The following PKD1L1 variants were observed in gnomAD, a reference collection of about 807,000 sequenced individuals.
PKD1L1 encodes the protein polycystin 1 like 1, transient receptor potential channel interacting.
PKD1L1 carries 236 observed loss-of-function variants against 323.4 expected under a neutral mutation model. That is an observed-to-expected ratio of 0.73 (90% CI 0.66 to 0.81). PKD1L1 has a LOEUF of 0.81. Ranked by LOEUF, PKD1L1 falls within the 40% of genes least tolerant of loss-of-function variation. The pLI is 0.00. For synonymous variants in PKD1L1, 1,344 were observed against 1,335.0 expected (o/e 1.01, Z -0.15); for missense variants, 3,320 against 3,508.0 (o/e 0.95, Z 1.35).
rs1193252581 is a variant in PKD1L1 at position 47,829,481 on chromosome 7, G to A, written c.6679C>T (p.Arg2227Cys). Residue 2227 changes from arginine (R) to cysteine (C), a missense_variant, in exon 44 of 57, where the codon CGC becomes TGC. Arg to Cys is a radical substitution (Grantham distance 180, BLOSUM62 -3). Transcript: ENST00000289672. The stretch of plus-strand genomic sequence containing the variant: ...CTGCAGCTTGAAGAGAAGGGGAGGC[G>A]AGTCCAGGAACGTTCTGCCAATTCA... ...DSELAERSWT[R>C]LPFSSSCSIP... The A allele has an allele frequency of 3.1e-6, 5 of 1,613,916 alleles. No homozygotes were observed. The highest frequency in any genetic ancestry group is 1.1e-5 in the South Asian group (1 of 91,070).
intron 13 of PKD1L1, among the ~76,000 whole-genome samples, chr7:47,899,448 C>A (rs1007772564): frequency 2.0e-5 from 3 of 152,136 alleles, no homozygotes; most frequent in African/African-American, 7.2e-5. Flanking sequence ...CCCATCCACA[C>A]CCCTTACTCC....
intron 23 of PKD1L1, among the ~76,000 whole-genome samples, chr7:47,875,667 T>C (rs548369310): frequency 1.3e-5 from 2 of 152,288 alleles, no homozygotes; most frequent in East Asian, 3.9e-4. Context: ...ATTCATTTTG[T>C]TTTGAGGTTA....
At chr7:47,836,864 G>A in intron 37 of PKD1L1, 57 bp downstream of exon 37, 1 of 1,543,298 alleles carries the variant, frequency 6.5e-7, no homozygotes, top group Non-Finnish European at 8.8e-7. Flanking sequence ...TAGGCAAAAA[G>A]GGGCCACAGT....
intron 31 of PKD1L1, among the ~76,000 whole-genome samples, chr7:47,847,551 A>C (rs1472473365): frequency 6.7e-6 from 1 of 149,468 alleles, no homozygotes; most frequent in Non-Finnish European, 1.5e-5. Flanking sequence ...TTAGCCTATC[A>C]TTTTTTTTTT....
At chr7:47,784,165 G>A (rs1267007204) in intron 56 of PKD1L1, among the ~76,000 whole-genome samples, 1 of 152,222 alleles carries the variant, frequency 6.6e-6, no homozygotes, top group Non-Finnish European at 1.5e-5. Context: ...ATTCCTGCTT[G>A]TGAAGTCATC....
intron 44 of PKD1L1, among the ~76,000 whole-genome samples, chr7:47,828,663 T>A (rs1020625144): frequency 1.3e-5 from 2 of 152,170 alleles, no homozygotes; most frequent in Admixed American, 6.5e-5. Context: ...AACAGCATAA[T>A]GACTAGTACA....
chr7:47,786,531 T>G (rs757748017), intron 56 of PKD1L1, among the ~76,000 whole-genome samples: 1 of 152,154 alleles, frequency 6.6e-6, no homozygotes, highest in Non-Finnish European at 1.5e-5. Context: ...AGGTAGGTGC[T>G]AAGGAATTAC....
chr7:47,908,223 A>G lies in PKD1L1; in HGVS notation c.1256T>C (p.Ile419Thr), dbSNP rs943889210. Residue 419 changes from isoleucine (I) to threonine (T), a missense_variant, in exon 9 of 57, where the codon ATT (isoleucine) becomes ACT (threonine). Ile to Thr is a moderately conservative substitution (Grantham distance 89, BLOSUM62 -1). Transcript: ENST00000289672. ...TTCGGTTCCATGAAACTCGTTATAA[A>G]TAACAGCCTTGAGCATATAGACTCC... ...TKGVYMLKAVIYNEFHGTEVE... is the reference protein window; with the variant it reads ...TKGVYMLKAVTYNEFHGTEVE... 3.1e-6 allele frequency: 5 copies of G among 1,614,130 alleles called. No individual in the cohort carries two copies. The African/African-American group carries it at 4.0e-5, about 13-fold the overall frequency.
chr7:47,940,926 G>A (rs953638563), intron 2 of PKD1L1, among the ~76,000 whole-genome samples: 3 of 152,186 alleles, frequency 2.0e-5, no homozygotes, highest in Admixed American at 6.5e-5. Context: ...TAGGATCTGC[G>A]CACAGCTGAC....
In PKD1L1 at chr7:47,908,168, A is replaced by C. The variant is rs781709767; in HGVS notation, c.1311T>G (p.Ile437Met). The C allele has an allele frequency of 1.9e-6, 3 of 1,614,218 alleles. No homozygotes were observed. The highest frequency in any genetic ancestry group is 1.1e-5 in the South Asian group (1 of 91,082). The change falls in exon 9 of 57, where the codon ATT becomes ATG. Residue 437 changes from isoleucine (I) to methionine (M), a missense_variant. Physicochemically the swap from Ile to Met is conservative, Grantham distance 10 (BLOSUM62 1). Coordinates refer to ENST00000289672, the MANE Select transcript of PKD1L1 (RefSeq NM_138295.5). The stretch of plus-strand genomic sequence containing the variant: ...TGAACGCAGACACGGCCTCATGGCC[A>C]ATCTCCACATAATAAGGCCCAAGCT... ...EVELGPYYVEIGHEAVSAFMN... is the reference protein window; with the variant it reads ...EVELGPYYVEMGHEAVSAFMN...
In PKD1L1 at chr7:47,916,389, T is replaced by TATAA. The variant is rs574579133; in HGVS notation, c.1061-794_1061-791dup. Among the ~76,000 whole-genome samples the TATAA allele has an allele frequency of 8.4e-3, 1,277 of 152,294 alleles. 16 individuals carry two copies. Among genetic ancestry groups the TATAA allele is most frequent in the African/African-American group, 0.029 (1,192 of 41,530 alleles). On this transcript the variant is annotated intron_variant, in intron 7 of 56. Coordinates refer to ENST00000289672, the MANE Select transcript of PKD1L1 (RefSeq NM_138295.5). ...GATTTAGGTGCCTTAGTCCACTTTT[T>TATAA]ATAAATAAATAAATAAATGGGGGAT... is the stretch of plus-strand genomic sequence containing the variant.
chr7:47,878,262 T>C (rs1284056916), intron 21 of PKD1L1, among the ~76,000 whole-genome samples: 1 of 152,246 alleles, frequency 6.6e-6, no homozygotes, highest in Non-Finnish European at 1.5e-5. Context: ...GGAACAGATA[T>C]ACCCTAATAC....
At chr7:47,815,609 A>C (rs1237876360) in intron 46 of PKD1L1, 152 bp from the exon 47 acceptor site, 17 of 899,912 alleles carry the variant, frequency 1.9e-5, no homozygotes, top group Non-Finnish European at 2.8e-5. Flanking sequence ...AGCGTGAAGC[A>C]TGAAACCCTG....
chr7:47,814,534 C>G (rs1784973979), intron 47 of PKD1L1, among the ~76,000 whole-genome samples: 1 of 152,118 alleles, frequency 6.6e-6, no homozygotes, highest in Admixed American at 6.6e-5. Context: ...CATGTGCCAC[C>G]ACGCGCGGCT....
In PKD1L1 at chr7:47,829,424, C is replaced by A. The variant is rs1245017875; in HGVS notation, c.6735+1G>T. On this transcript the variant is annotated splice_donor_variant, in intron 44 of 56. Coordinates refer to ENST00000289672, the MANE Select transcript of PKD1L1 (RefSeq NM_138295.5). LOFTEE classifies it high-confidence loss of function. The stretch of plus-strand genomic sequence containing the variant: ...TGCACTGCATAGGTAATTTTTTTTA[C>A]TTTTTCAACCTCGCCTGCACAGTCA... The A allele has an allele frequency of 4.4e-6, 7 of 1,583,406 alleles. No individual in the cohort carries two copies. The South Asian group carries it at 8.1e-5, about 18-fold the overall frequency.
intron 15 of PKD1L1, among the ~76,000 whole-genome samples, chr7:47,891,887 G>A (rs961303593): frequency 1.3e-5 from 2 of 152,228 alleles, no homozygotes; most frequent in Non-Finnish European, 2.9e-5. Context: ...CTTTCCCAGA[G>A]CATGTGCATG....
At chr7:47,801,916 G>A (rs905314828) in intron 53 of PKD1L1, among the ~76,000 whole-genome samples, 9 of 152,050 alleles carry the variant, frequency 5.9e-5, no homozygotes, top group Non-Finnish European at 1.2e-4. Context: ...TTTTGGCTGG[G>A]CGTGGTGGCT....
At chr7:47,881,767 A>G (rs1432188661) in intron 20 of PKD1L1, 142 bp downstream of exon 20, 7 of 816,168 alleles carry the variant, frequency 8.6e-6, no homozygotes, top group Non-Finnish European at 1.3e-5. Flanking sequence ...CATAGTCCAT[A>G]GAAGAACAAG....
chr7:47,827,456 G>C lies in PKD1L1; in HGVS notation c.6748C>G (p.Arg2250Gly), dbSNP rs200518403. 6.2e-7 allele frequency: 1 copy of C among 1,608,308 alleles called. No individual in the cohort carries two copies. The highest frequency in any genetic ancestry group is 1.3e-5 in the African/African-American group (1 of 74,918). Reference protein sequence around the residue: ...AGEVEKVLAARQQARHLRWAH... With the variant: ...AGEVEKVLAAGQQARHLRWAH... ...CAGCGCAGGTGGCGAGCTTGTTGTC[G>C]GGCAGCCAAGACCTGTCAGGGACAA... Residue 2250 changes from arginine to glycine, a missense_variant, in exon 45 of 57, where the codon CGA becomes GGA. Coordinates refer to ENST00000289672, the MANE Select transcript of PKD1L1 (RefSeq NM_138295.5).
Sources: allele counts gnomAD v4.1 joint callset (sites outside exome capture counted in the v4.1 genomes callset), GRCh38; gene constraint gnomAD v4.1.1; transcripts MANE v1.5; gene names NCBI Gene and HGNC (gene_info 2026-07-23, HGNC 2026-07-21).